Variants in RGS6 observed in about 807,000 individuals in gnomAD.
The protein encoded by RGS6 is regulator of G-protein signaling 6.
Under a neutral mutation model 78.5 loss-of-function variants are expected in RGS6, and 30 were observed. The ratio of observed to expected loss-of-function variants is 0.38; its 90% CI spans 0.29 to 0.52. The LOEUF is 0.52. RGS6 is among the 20% of genes least tolerant of loss of function. The pLI is 0.85. For synonymous variants in RGS6, 206 were observed against 206.0 expected (o/e 1.00, Z 0.00); for missense variants, 495 against 609.7 (o/e 0.81, Z 1.98).
chr14:72,342,259 G>A (rs1286214801), intron 2 of RGS6, among the ~76,000 whole-genome samples: 1 of 152,074 alleles, frequency 6.6e-6, no homozygotes, highest in Non-Finnish European at 1.5e-5. Context: ...ATAGGCTACT[G>A]TGACCCAATT....
chr14:72,314,918 A>G (rs958652229), intron 2 of RGS6, among the ~76,000 whole-genome samples: 5 of 152,224 alleles, frequency 3.3e-5, no homozygotes, highest in African/African-American at 4.8e-5. Context: ...CGTAGAACTC[A>G]CTGTAGCGCA....
intron 2 of RGS6, among the ~76,000 whole-genome samples, chr14:72,278,257 C>A (rs1481450539): frequency 2.6e-5 from 4 of 152,152 alleles, no homozygotes; most frequent in African/African-American, 9.7e-5. Flanking sequence ...CCAAATGACA[C>A]ACCTTGTCCA....
chr14:71,937,051 T>C (rs1219270926), intron 1 of RGS6, among the ~76,000 whole-genome samples: 1 of 152,198 alleles, frequency 6.6e-6, no homozygotes, highest in Non-Finnish European at 1.5e-5. Context: ...ATGGTAATAC[T>C]GAGAGATGCC....
chr14:72,594,854 T>G, the RGS6 span: 1 of 152,112 alleles, frequency 6.6e-6, no homozygotes, highest in Non-Finnish European at 1.5e-5. Flanking sequence ...ATGGACACCA[T>G]CACAGGGTGA....
At chr14:72,038,348 T>C (rs1346607634) in intron 2 of RGS6, among the ~76,000 whole-genome samples, 2 of 152,226 alleles carry the variant, frequency 1.3e-5, no homozygotes, top group Non-Finnish European at 2.9e-5. Flanking sequence ...CCAACTCTGT[T>C]CTTTTTCAAA....
intron 2 of RGS6, among the ~76,000 whole-genome samples, chr14:72,295,400 A>G (rs1479411302): frequency 3.9e-5 from 6 of 152,104 alleles, no homozygotes; most frequent in African/African-American, 1.4e-4. Context: ...GAGGAAAGAC[A>G]AGGAGTGCCC....
At chr14:72,339,514 T>C (rs1424157670) in intron 2 of RGS6, among the ~76,000 whole-genome samples, 1 of 152,208 alleles carries the variant, frequency 6.6e-6, no homozygotes, top group South Asian at 2.1e-4. Flanking sequence ...ATTGAAGAGC[T>C]GGGCAGTGGA....
At chr14:72,287,418 A>T (rs777843465) in intron 2 of RGS6, among the ~76,000 whole-genome samples, 11 of 152,092 alleles carry the variant, frequency 7.2e-5, no homozygotes, top group Non-Finnish European at 1.6e-4. Context: ...TTTCGTTAGT[A>T]TAATGTTAAC....
At chr14:72,569,915 C>T (rs78412771), downstream of RGS6, among the ~76,000 whole-genome samples, 5,510 of 152,248 alleles carry the variant, frequency 0.036, 371 homozygotes, top group African/African-American at 0.13. Flanking sequence ...CACCACCCAG[C>T]CCCTCGGGCT....
At chr14:72,009,704 A>G (rs536201071) in intron 2 of RGS6, among the ~76,000 whole-genome samples, 8 of 152,344 alleles carry the variant, frequency 5.3e-5, no homozygotes, top group South Asian at 4.1e-4. Flanking sequence ...CTCAGAAACC[A>G]TAGGATAATA....
At chr14:72,528,589 TAGTC>T (rs2097145844) in intron 15 of RGS6, among the ~76,000 whole-genome samples, 1 of 152,186 alleles carries the variant, frequency 6.6e-6, no homozygotes, top group Admixed American at 6.5e-5. Context: ...TGCTTGTTCA[TAGTC>T]AGCTTAGTCA....
chr14:72,084,662 G>T (rs1034914124), intron 2 of RGS6, among the ~76,000 whole-genome samples: 1 of 152,002 alleles, frequency 6.6e-6, no homozygotes, highest in Non-Finnish European at 1.5e-5. Flanking sequence ...CTTTTATTGT[G>T]TTTAGCAATC....
At chr14:72,173,761 C>T (rs1244548640) in intron 2 of RGS6, among the ~76,000 whole-genome samples, 1 of 152,102 alleles carries the variant, frequency 6.6e-6, no homozygotes, top group Non-Finnish European at 1.5e-5. Context: ...CCCGTCCCCT[C>T]CTCTCCTTGG....
At chr14:72,528,787 G>A (rs773431967) in intron 15 of RGS6, among the ~76,000 whole-genome samples, 20 of 152,162 alleles carry the variant, frequency 1.3e-4, no homozygotes, top group Non-Finnish European at 2.9e-4. Context: ...TCTCAGCAGG[G>A]GCTTGGCTTG....
chr14:72,029,696 C>T (rs187490111), intron 2 of RGS6, among the ~76,000 whole-genome samples: 2 of 152,200 alleles, frequency 1.3e-5, no homozygotes, highest in African/African-American at 4.8e-5. Flanking sequence ...GTTCCCCTAC[C>T]TGCATGTGAC....
intron 2 of RGS6, among the ~76,000 whole-genome samples, chr14:72,104,578 T>TC (rs1415897131): frequency 6.6e-6 from 1 of 152,194 alleles, no homozygotes; most frequent in Non-Finnish European, 1.5e-5. Flanking sequence ...TAAAACTACA[T>TC]CCAGACGCAA....
chr14:72,059,453 C>T (rs55719502), intron 2 of RGS6, among the ~76,000 whole-genome samples: 40,830 of 152,052 alleles, frequency 0.27, 5,639 homozygotes, highest in South Asian at 0.39. Context: ...CTTACTGGTG[C>T]GCTCTCATTT....
chr14:72,027,048 G>A (rs2153306817), intron 2 of RGS6, among the ~76,000 whole-genome samples: 1 of 152,226 alleles, frequency 6.6e-6, no homozygotes, highest in Admixed American at 6.5e-5. Context: ...GGTAGGAGAG[G>A]ATGCCTGCGT....
the RGS6 span, among the ~76,000 whole-genome samples, chr14:71,908,707 G>A: frequency 3.3e-5 from 5 of 152,026 alleles, no homozygotes; most frequent in African/African-American, 1.2e-4. Context: ...TGACTTATAC[G>A]CAAGGATTAG....
Sources: allele counts gnomAD v4.1 joint callset (sites outside exome capture counted in the v4.1 genomes callset), GRCh38; gene constraint gnomAD v4.1.1; transcripts MANE v1.5; gene names NCBI Gene and HGNC (gene_info 2026-07-23, HGNC 2026-07-21).